The following MORN1 variants were observed in gnomAD, a reference collection of about 807,000 sequenced individuals.
MORN1 encodes the protein MORN repeat-containing protein 1.
A neutral mutation model predicts 61.9 loss-of-function variants in MORN1; 67 were observed. That is an observed-to-expected ratio of 1.08 (90% CI 0.89 to 1.33). The LOEUF is 1.33. Ranked by LOEUF, MORN1 falls within the 40% of genes most tolerant of loss-of-function variation. MORN1 has a pLI of 0.00. For synonymous variants in MORN1, 301 were observed against 292.0 expected, an observed-to-expected ratio of 1.03 and a Z score of -0.31; for missense variants, 752 against 691.2, an observed-to-expected ratio of 1.09 and a Z score of -0.99.
chr1:2,368,345 C>T (rs767695652), intron 8 of MORN1, among the ~76,000 whole-genome samples: 2 of 152,240 alleles, frequency 1.3e-5, no homozygotes, highest in Non-Finnish European at 2.9e-5. Flanking sequence ...AGCAGCAGCT[C>T]AGGGCAGTGT....
At chr1:2,390,936 G>A (rs887062800) in intron 1 of MORN1, among the ~76,000 whole-genome samples, 2 of 152,246 alleles carry the variant, frequency 1.3e-5, no homozygotes, top group South Asian at 2.1e-4. Flanking sequence ...AGTAGAGACC[G>A]GGTTTCGCCA....
intron 12 of MORN1, among the ~76,000 whole-genome samples, chr1:2,330,794 G>C (rs374736548): frequency 6.6e-6 from 1 of 152,164 alleles, no homozygotes; most frequent in Non-Finnish European, 1.5e-5. Context: ...GGGTGGCCAC[G>C]TTTTCCTATC....
At chr1:2,373,431 C>T (rs530869016) in intron 7 of MORN1, among the ~76,000 whole-genome samples, 7 of 152,346 alleles carry the variant, frequency 4.6e-5, no homozygotes, top group African/African-American at 1.4e-4. Flanking sequence ...AGCCAGACTG[C>T]GTCCTGCACC....
chr1:2,321,716 ATTC>A, intron 13 of MORN1, 137 bp from the exon 14 acceptor site: 1 of 1,223,670 alleles, frequency 8.2e-7, no homozygotes, highest in Non-Finnish European at 1.1e-6. Flanking sequence ...GGGTTCTGGG[ATTC>A]TTGGCACTGT....
In MORN1 at chr1:2,372,276, C is replaced by G; in HGVS notation, c.745+205G>C. On this transcript the variant is annotated intron_variant, in intron 8 of 13. Coordinates refer to ENST00000378531, the MANE Select transcript of MORN1 (RefSeq NM_024848.3). The surrounding 1 kb of genome is among the most constrained non-coding windows in gnomAD (Gnocchi z 5.4). ...GCACGCACATCACACAATATGTGCA[C>G]ACATGCTTGCACACACACCCAAGGC... 1 of 559,052 alleles carries G rather than the reference C, an allele frequency of 1.8e-6. No homozygotes were observed. The allele number at this position is 559,052 out of a possible 1,614,324, so 34.6% of individuals were successfully genotyped here.
intron 6 of MORN1, 40 bp downstream of exon 6, chr1:2,384,938 T>C: frequency 4.0e-6 from 6 of 1,512,488 alleles, no homozygotes; most frequent in Non-Finnish European, 5.3e-6. Context: ...CCACGAGGCC[T>C]GTACCCTCTG....
At chr1:2,328,400 G>A (rs1641080850) in intron 12 of MORN1, among the ~76,000 whole-genome samples, 2 of 152,246 alleles carry the variant, frequency 1.3e-5, no homozygotes, top group Non-Finnish European at 2.9e-5. Flanking sequence ...AGATCCTGGT[G>A]ACAAGGGGCA....
chr1:2,358,768 G>T (rs1466202134), intron 8 of MORN1, 53 bp from the exon 9 acceptor site: 13 of 1,566,500 alleles, frequency 8.3e-6, no homozygotes, highest in African/African-American at 1.4e-5. Context: ...CAGAAGCGGG[G>T]TGCGCGGGCC....
chr1:2,353,162 G>A (rs763699749), intron 10 of MORN1, among the ~76,000 whole-genome samples: 1 of 152,250 alleles, frequency 6.6e-6, no homozygotes, highest in African/African-American at 2.4e-5. Flanking sequence ...AGGCAGCGCT[G>A]TGACTGGGCC....
intron 12 of MORN1, among the ~76,000 whole-genome samples, chr1:2,335,520 C>T (rs1424100926): frequency 6.6e-6 from 1 of 152,216 alleles, no homozygotes; most frequent in South Asian, 2.1e-4. Flanking sequence ...GTTCTCCACC[C>T]ACCTGCCTTG....
Position 2,387,414 on chromosome 1 carries a change from C to G in MORN1, c.358+5G>C, listed in dbSNP as rs1490381446. On this transcript the variant is annotated splice_donor_5th_base_variant and intron_variant, in intron 4 of 13. Coordinates refer to ENST00000378531, the MANE Select transcript of MORN1 (RefSeq NM_024848.3). ...CACAGCACCCGGCTCCTGTGGGCGC[C>G]AGACCTTCCCGCATGCCGTGGGAGA... The G allele has an allele frequency of 6.2e-7, 1 of 1,610,390 alleles. No homozygotes were observed. The highest frequency in any genetic ancestry group is 8.5e-7 in the Non-Finnish European group (1 of 1,177,748).
intron 1 of MORN1, chr1:2,390,768 A>G (rs955018512): frequency 2.2e-6 from 2 of 893,178 alleles, no homozygotes; most frequent in African/African-American, 3.7e-5. Flanking sequence ...TTTTTTTTTG[A>G]GACTGAGTCT....
intron 10 of MORN1, among the ~76,000 whole-genome samples, chr1:2,346,766 C>A (rs756175116): frequency 1.1e-4 from 16 of 152,332 alleles, no homozygotes; most frequent in Middle Eastern, 3.4e-3. Context: ...TGTTTGGGTG[C>A]ATCCTCAGCC....
chr1:2,379,384 G>A (rs1642321309), intron 6 of MORN1, among the ~76,000 whole-genome samples: 1 of 152,178 alleles, frequency 6.6e-6, no homozygotes, highest in Non-Finnish European at 1.5e-5. Flanking sequence ...GTGGCTGGAG[G>A]GGCAGGGCAG....
In MORN1 at chr1:2,343,981, G is replaced by A. The variant is rs186623443; in HGVS notation, c.1037-7131C>T. The stretch of plus-strand genomic sequence containing the variant: ...TGAGGCGGGACTGGGCCTGGGGCTG[G>A]GGCCAGGGGCAGGGTGGGGTGGGGG... On this transcript the variant is annotated intron_variant, in intron 10 of 13. Transcript: ENST00000378531. Among the ~76,000 whole-genome samples, 522 of 151,646 alleles carry A rather than the reference G, an allele frequency of 3.4e-3. 1 individual carries two copies. The highest frequency in any genetic ancestry group is 6.5e-3 in the Admixed American group (99 of 15,238).
intron 13 of MORN1, 25 bp from the exon 14 acceptor site, chr1:2,321,604 C>T (rs1640882562): frequency 2.7e-6 from 4 of 1,455,746 alleles, no homozygotes; most frequent in Non-Finnish European, 2.7e-6. Flanking sequence ...TGGGCTGGTC[C>T]TCAGCAGGCT....
intron 8 of MORN1, among the ~76,000 whole-genome samples, chr1:2,364,777 A>G (rs1234750076): frequency 6.6e-6 from 1 of 152,010 alleles, no homozygotes; most frequent in East Asian, 1.9e-4. Flanking sequence ...CTTTCTACAT[A>G]TGGCTAGCCA....
chr1:2,323,628 G>A (rs1207055726), intron 13 of MORN1: 19 of 985,044 alleles, frequency 1.9e-5, no homozygotes, highest in Admixed American at 6.2e-5. Flanking sequence ...CCAGGCCCTC[G>A]CTGCACCCCT....
In MORN1 at chr1:2,336,845, C is replaced by G. The variant is rs1259852945; in HGVS notation, c.1042G>C (p.Gly348Arg). Residue 348 changes from glycine (G) to arginine (R), a missense_variant, in exon 11 of 14, where the codon GGA becomes CGA. Transcript: ENST00000378531. ...GCCCCGGGACAATGGGGCGCATGTCCCCTGGCTGAGGAGACAGAATGAAGA... is the reference window on the plus strand; with the variant it reads ...GCCCCGGGACAATGGGGCGCATGTCGCCTGGCTGAGGAGACAGAATGAAGA... ...EDTPGGLLAR[G>R]HAPHCPGACQ... 6.4e-7 allele frequency: 1 copy of G among 1,564,966 alleles called. No homozygotes were observed. The highest frequency in any genetic ancestry group is 8.6e-7 in the Non-Finnish European group (1 of 1,158,406).
Sources: allele counts gnomAD v4.1 joint callset (sites outside exome capture counted in the v4.1 genomes callset), GRCh38; gene constraint gnomAD v4.1.1; non-coding constraint Gnocchi (gnomAD v3.1); transcripts MANE v1.5; gene names NCBI Gene and HGNC (gene_info 2026-07-23, HGNC 2026-07-21).